The following SOHLH2 variants were observed in gnomAD, a reference collection of about 807,000 sequenced individuals.
The protein encoded by SOHLH2 is spermatogenesis and oogenesis specific basic helix-loop-helix 2.
SOHLH2 carries 22 observed loss-of-function variants against 50.4 expected under a neutral mutation model. The ratio of observed to expected loss-of-function variants is 0.44; its 90% confidence interval spans 0.31 to 0.62. SOHLH2 has a LOEUF of 0.62. Among genes scored for constraint, SOHLH2 ranks in the 20% least tolerant of loss-of-function variants. The probability of loss-of-function intolerance (pLI) is 0.08; values close to 1 mark genes in which losing one functional copy is unlikely to be tolerated. For missense variants in SOHLH2, 412 were observed against 504.4 expected (o/e 0.82, Z 1.76); for synonymous variants, 185 against 187.3 (o/e 0.99, Z 0.10).
chr13:36,170,790 T>A lies in SOHLH2; in HGVS notation c.1001-3A>T. 1 of 1,609,764 alleles carries A rather than the reference T, an allele frequency of 6.2e-7. No homozygotes were observed. The highest frequency in any genetic ancestry group is 8.5e-7 in the Non-Finnish European group (1 of 1,176,676). On this transcript the variant is annotated splice_polypyrimidine_tract_variant and splice_region_variant and intron_variant, in intron 9 of 10. Coordinates refer to ENST00000379881, the MANE Select transcript of SOHLH2 (RefSeq NM_017826.3). ...CTCTGAGGCGGAGCTTGATGGAACT[T>A]TAATGAGAAAGAAAACAAATATGGG...
At chr13:36,173,961 C>A in intron 8 of SOHLH2, 151 bp from the exon 9 acceptor site, 3 of 861,922 alleles carry the variant, frequency 3.5e-6, no homozygotes, top group Admixed American at 2.4e-5. Flanking sequence ...GACACATGAC[C>A]CACGATAATT....
At chr13:36,186,697 G>A (rs529930192) in intron 6 of SOHLH2, among the ~76,000 whole-genome samples, 1 of 152,014 alleles carries the variant, frequency 6.6e-6, no homozygotes, top group African/African-American at 2.4e-5. Context: ...ATAAAAACAT[G>A]TTTATGTATT....
intron 6 of SOHLH2, chr13:36,181,956 G>T (rs1160177297): frequency 1.0e-5 from 8 of 790,114 alleles, no homozygotes; most frequent in Non-Finnish European, 1.2e-5. Flanking sequence ...AATATGATTT[G>T]CACAAACAAG....
intron 1 of SOHLH2, among the ~76,000 whole-genome samples, chr13:36,204,458 G>A (rs574720974): frequency 2.6e-5 from 4 of 152,216 alleles, no homozygotes; most frequent in African/African-American, 4.8e-5. Context: ...AGTTTATTTG[G>A]TGATGAATAT....
In SOHLH2 at chr13:36,189,954, T is replaced by C. The variant is rs867804567; in HGVS notation, c.633A>G (p.Lys211=). The change falls in exon 6 of 11, where the codon AAA becomes AAG. Residue 211 remains lysine (K), a synonymous_variant. Transcript: ENST00000379881. ...GCTATATTAAAATTCACCTTCTTAG[T>C]TTTTCCTTGCTTGAATGAAGAAGAG... ...KISLLHSSKE[K]LRRERIKYCC... 5 of 1,587,698 alleles carry C rather than the reference T, an allele frequency of 3.1e-6. No individual in the cohort carries two copies. The Middle Eastern group carries it at 8.4e-4, about 267-fold the overall frequency.
intron 5 of SOHLH2, among the ~76,000 whole-genome samples, chr13:36,191,575 G>A (rs1254924271): frequency 6.6e-6 from 1 of 152,126 alleles, no homozygotes; most frequent in Non-Finnish European, 1.5e-5. Context: ...CAATGATGGG[G>A]AACTCACTAC....
intron 2 of SOHLH2, among the ~76,000 whole-genome samples, chr13:36,196,478 G>T (rs1255910266): frequency 6.6e-6 from 1 of 152,100 alleles, no homozygotes; most frequent in African/African-American, 2.4e-5. Context: ...CGGAGGTACA[G>T]ACAACAGAAT....
chr13:36,205,119 G>A (rs1868670309), intron 1 of SOHLH2, among the ~76,000 whole-genome samples: 1 of 152,120 alleles, frequency 6.6e-6, no homozygotes, highest in African/African-American at 2.4e-5. Context: ...TAAGGAACTT[G>A]CTTCAAGTAA....
In SOHLH2 at chr13:36,170,562, C is replaced by T; in HGVS notation, c.1226G>A (p.Gly409Asp). ...LLPRHCTSGL[G>D]QTCTTHPNCL... The stretch of plus-strand genomic sequence containing the variant: ...GTTGGGATGTGTAGTGCACGTCTGG[C>T]CCAACCCAGAAGTGCAGTGCCGAGG... The change falls in exon 10 of 11, where the codon GGC (glycine) becomes GAC (aspartate). Residue 409 changes from glycine to aspartate, a missense_variant. Physicochemically the swap from Gly to Asp is moderately conservative, Grantham distance 94 (BLOSUM62 -1). Coordinates refer to ENST00000379881, the MANE Select transcript of SOHLH2 (RefSeq NM_017826.3). The T allele has an allele frequency of 6.2e-7, 1 of 1,614,018 alleles. No homozygotes were observed. Among genetic ancestry groups the T allele is most frequent in the Non-Finnish European group, 8.5e-7 (1 of 1,179,958 alleles).
intron 1 of SOHLH2, among the ~76,000 whole-genome samples, chr13:36,202,688 T>A (rs1249366626): frequency 6.6e-6 from 1 of 152,234 alleles, no homozygotes; most frequent in East Asian, 1.9e-4. Context: ...CATGTTTTAT[T>A]TCTGTATGTT....
intron 6 of SOHLH2, among the ~76,000 whole-genome samples, chr13:36,179,040 T>C (rs2138275786): frequency 6.6e-6 from 1 of 152,318 alleles, no homozygotes; most frequent in South Asian, 2.1e-4. Context: ...TACCCAATCA[T>C]GCCATCTACA....
chr13:36,202,852 TGAGG>T (rs2138320666), intron 1 of SOHLH2, among the ~76,000 whole-genome samples: 1 of 151,976 alleles, frequency 6.6e-6, no homozygotes, highest in East Asian at 1.9e-4. Context: ...AAGCTAAGAG[TGAGG>T]GAAGGGGCTG....
chr13:36,183,138 A>G (rs754019454), intron 6 of SOHLH2: 4 of 363,504 alleles, frequency 1.1e-5, no homozygotes, highest in South Asian at 8.4e-5. Flanking sequence ...GCCTCCTGCC[A>G]TGATTGTAAG....
chr13:36,182,347 C>T (rs1309586661), intron 6 of SOHLH2: 2 of 958,996 alleles, frequency 2.1e-6, no homozygotes, highest in Non-Finnish European at 1.2e-6. Context: ...ATTTCTCCAA[C>T]AAAGAGTCAG....
At chr13:36,182,725 T>C (rs1353129112) in intron 6 of SOHLH2, 1 of 152,264 alleles carries the variant, frequency 6.6e-6, no homozygotes, top group Non-Finnish European at 1.5e-5. Context: ...AGCCAAGCTC[T>C]GCCCAAACTG....
At chr13:36,191,985 T>C in intron 4 of SOHLH2, 91 bp from the exon 5 acceptor site, 2 of 1,348,360 alleles carry the variant, frequency 1.5e-6, no homozygotes, top group Non-Finnish European at 2.1e-6. Flanking sequence ...CTTAATGCAG[T>C]TGTCTTTTAC....
chr13:36,210,263 G>T (rs1869033467), intron 1 of SOHLH2, among the ~76,000 whole-genome samples: 1 of 152,180 alleles, frequency 6.6e-6, no homozygotes, highest in Admixed American at 6.5e-5. Context: ...CAAACCAGGT[G>T]AGCACCCTTT....
At position 36,169,012 on chromosome 13, in the gene SOHLH2, T is replaced by C; in HGVS notation, c.*22A>G. The C allele has an allele frequency of 1.2e-6, 2 of 1,604,724 alleles. No homozygotes were observed. Among genetic ancestry groups the C allele is most frequent in the Non-Finnish European group, 1.7e-6 (2 of 1,177,238 alleles). On this transcript the variant is annotated 3_prime_UTR_variant, in exon 11 of 11. Transcript: ENST00000379881. ...ACTGCGCCCAGTAGGTGGTTGAGAG[T>C]GTGAATTTCAAACATGTGCTTTTAA...
chr13:36,197,296 T>C (rs1484008583), intron 2 of SOHLH2, among the ~76,000 whole-genome samples: 1 of 152,224 alleles, frequency 6.6e-6, no homozygotes, highest in African/African-American at 2.4e-5. Context: ...TCCATTCCTA[T>C]GCCTGCCTGC....
Sources: allele counts gnomAD v4.1 joint callset (sites outside exome capture counted in the v4.1 genomes callset), GRCh38; gene constraint gnomAD v4.1.1; transcripts MANE v1.5; gene names NCBI Gene and HGNC (gene_info 2026-07-23, HGNC 2026-07-21).